The following TINAG variants were observed in gnomAD, a reference collection of about 807,000 sequenced individuals.
TINAG encodes the protein tubulointerstitial nephritis antigen.
Under a neutral mutation model 72.7 loss-of-function variants are expected in TINAG, and 83 were observed. That is an observed-to-expected ratio of 1.14 (90% CI 0.96 to 1.37). The LOEUF (loss-of-function observed/expected upper bound fraction) is 1.37, where lower values mean the gene tolerates loss of function less well. Among genes scored for constraint, TINAG ranks in the 40% most tolerant of loss-of-function variants. The pLI, the probability that TINAG is intolerant of heterozygous loss-of-function variation, is 0.00. For missense variants in TINAG, 685 were observed against 576.6 expected (o/e 1.19, Z -1.93); for synonymous variants, 234 against 189.9 (o/e 1.23, Z -1.91).
intron 10 of TINAG, among the ~76,000 whole-genome samples, chr6:54,388,414 A>G (rs777955145): frequency 1.3e-5 from 2 of 152,208 alleles, no homozygotes; most frequent in Non-Finnish European, 2.9e-5. Context: ...AATCTTAAAA[A>G]GAAATGCTGA....
chr6:54,345,620 G>A (rs1582724947), intron 5 of TINAG, among the ~76,000 whole-genome samples: 1 of 152,064 alleles, frequency 6.6e-6, no homozygotes, highest in African/African-American at 2.4e-5. Flanking sequence ...GAGCATCAAA[G>A]AATTTCTCCT....
intron 4 of TINAG, among the ~76,000 whole-genome samples, chr6:54,342,861 CAG>C (rs1365634930): frequency 6.6e-6 from 1 of 152,076 alleles, no homozygotes; most frequent in East Asian, 1.9e-4. Context: ...ATAGGAGAGA[CAG>C]AGAAGTAAAT....
chr6:54,370,905 T>G (rs1763583585), intron 9 of TINAG, among the ~76,000 whole-genome samples: 1 of 152,086 alleles, frequency 6.6e-6, no homozygotes, highest in Non-Finnish European at 1.5e-5. Flanking sequence ...ATTCATCATC[T>G]CAAACACTGA....
At chr6:54,358,534 C>CAAAAAAA (rs34091915) in intron 9 of TINAG, among the ~76,000 whole-genome samples, 1 of 112,946 alleles carries the variant, frequency 8.9e-6, no homozygotes. Flanking sequence ...AGTTATTCGT[C>CAAAAAAA]AAAAAAAAAA....
At chr6:54,352,642 G>T (rs1269164615) in intron 8 of TINAG, among the ~76,000 whole-genome samples, 1 of 151,520 alleles carries the variant, frequency 6.6e-6, no homozygotes, top group Non-Finnish European at 1.5e-5. Context: ...CCCAACTTTG[G>T]CATTTGCTGT....
At chr6:54,385,340 G>C (rs1397628781) in intron 10 of TINAG, among the ~76,000 whole-genome samples, 2 of 151,870 alleles carry the variant, frequency 1.3e-5, no homozygotes, top group Non-Finnish European at 2.9e-5. Flanking sequence ...TAGATATGAA[G>C]TAGGTAATAA....
intron 7 of TINAG, 121 bp from the exon 8 acceptor site, chr6:54,351,231 T>A: frequency 1.3e-6 from 1 of 746,682 alleles, no homozygotes; most frequent in Non-Finnish European, 2.2e-6. Context: ...TAGCATAATA[T>A]ACGTGAGTTT....
chr6:54,350,759 G>GT (rs1235239878), intron 7 of TINAG, among the ~76,000 whole-genome samples: 2 of 150,754 alleles, frequency 1.3e-5, no homozygotes, highest in African/African-American at 2.4e-5. Flanking sequence ...GTTTGCAAAC[G>GT]TAACACTTTG....
chr6:54,364,716 A>G (rs528668529), intron 9 of TINAG, among the ~76,000 whole-genome samples: 11 of 151,554 alleles, frequency 7.3e-5, no homozygotes, highest in Admixed American at 1.3e-4. Flanking sequence ...TTTCTATTTT[A>G]GGTACCTCAA....
chr6:54,346,442 AT>A, intron 5 of TINAG, among the ~76,000 whole-genome samples: 1 of 151,872 alleles, frequency 6.6e-6, no homozygotes, highest in Non-Finnish European at 1.5e-5. Flanking sequence ...ATATAATGAT[AT>A]TAGTTAACAA....
chr6:54,387,206 AATATCACTTCAT>A (rs1764122603), intron 10 of TINAG, among the ~76,000 whole-genome samples: 1 of 152,160 alleles, frequency 6.6e-6, no homozygotes, highest in East Asian at 1.9e-4. Flanking sequence ...ACCACAATGA[AATATCACTTCAT>A]ATACACTAGA....
intron 4 of TINAG, chr6:54,327,284 G>T (rs1784630291): frequency 3.3e-6 from 4 of 1,203,562 alleles, no homozygotes; most frequent in Middle Eastern, 2.3e-4. Flanking sequence ...TTAGACAGTG[G>T]GTGCAGCCCA....
rs187374654 is a variant in TINAG, at chr6:54,339,213, G to A, written c.625-4013G>A. On this transcript the variant is annotated intron_variant, in intron 4 of 10. Coordinates refer to ENST00000259782, the MANE Select transcript of TINAG (RefSeq NM_014464.4). ...GAAAGTGACAAAAATTTAAAATGAC[G>A]GTTGCTTAAATAAGATAGAAACTGA... 2.7e-3 allele frequency among the ~76,000 whole-genome samples: 412 copies of A among 152,152 alleles called. 3 individuals are homozygous for A. The highest frequency in any genetic ancestry group is 3.8e-3 in the African/African-American group (158 of 41,510).
At chr6:54,326,477 C>A (rs1784605447) in intron 3 of TINAG, among the ~76,000 whole-genome samples, 1 of 152,070 alleles carries the variant, frequency 6.6e-6, no homozygotes, top group Non-Finnish European at 1.5e-5. Flanking sequence ...ATTTAAGCTT[C>A]TTTCTAAGAT....
intron 8 of TINAG, 132 bp from the exon 9 acceptor site, chr6:54,354,381 C>A (rs999815387): frequency 2.6e-6 from 2 of 768,168 alleles, no homozygotes; most frequent in African/African-American, 1.8e-5. Context: ...GAAAATTAGG[C>A]TGAATCACAC....
chr6:54,346,089 T>A (rs1381341238), intron 5 of TINAG, among the ~76,000 whole-genome samples: 1 of 152,014 alleles, frequency 6.6e-6, no homozygotes, highest in Non-Finnish European at 1.5e-5. Context: ...AGATATTCAA[T>A]AAAAAAGTCT....
chr6:54,378,306 C>T (rs1187137655), intron 9 of TINAG, among the ~76,000 whole-genome samples: 1 of 152,148 alleles, frequency 6.6e-6, no homozygotes, highest in Non-Finnish European at 1.5e-5. Context: ...CCTCTGTCAC[C>T]TCTAGTCAAT....
In TINAG at chr6:54,354,651, C is replaced by G; in HGVS notation, c.1250+15C>G. 6.3e-7 allele frequency: 1 copy of G among 1,599,144 alleles called. No homozygotes were observed. Among genetic ancestry groups the G allele is most frequent in the Non-Finnish European group, 8.5e-7 (1 of 1,174,318 alleles). ...AAACTCACTGGGTAAGGCAATTAAA[C>G]AAAATTCATTTAATTCTTTTGGAAA... On this transcript the variant is annotated intron_variant, in intron 9 of 10. Coordinates refer to ENST00000259782, the MANE Select transcript of TINAG (RefSeq NM_014464.4).
Position 54,320,565 on chromosome 6 carries a change from T to A in TINAG, c.356-14T>A, listed in dbSNP as rs1382340095. The stretch of plus-strand genomic sequence containing the variant: ...AGTTTAGCATTTTCATTTCTTTACA[T>A]GTTACTTTGACAGGTTGCTTCAAAG... On this transcript the variant is annotated splice_polypyrimidine_tract_variant and intron_variant, in intron 1 of 10. Coordinates refer to ENST00000259782, the MANE Select transcript of TINAG (RefSeq NM_014464.4). The A allele has an allele frequency of 6.3e-7, 1 of 1,589,672 alleles. No homozygotes were observed. The highest frequency in any genetic ancestry group is 8.6e-7 in the Non-Finnish European group (1 of 1,166,536).
Sources: allele counts gnomAD v4.1 joint callset (sites outside exome capture counted in the v4.1 genomes callset), GRCh38; gene constraint gnomAD v4.1.1; transcripts MANE v1.5; gene names NCBI Gene and HGNC (gene_info 2026-07-23, HGNC 2026-07-21).